The following MACROD2 variants were observed in gnomAD, a reference collection of about 807,000 sequenced individuals.
The protein encoded by MACROD2 is ADP-ribose glycohydrolase MACROD2.
Under a neutral mutation model 70.4 loss-of-function variants are expected in MACROD2, and 36 were observed. That is an observed-to-expected ratio of 0.51 (90% CI 0.39 to 0.68). The LOEUF (loss-of-function observed/expected upper bound fraction) is 0.68, where lower values mean the gene tolerates loss of function less well. MACROD2 is among the 30% of genes least tolerant of loss of function. The probability of loss-of-function intolerance (pLI) is 0.00; values close to 1 mark genes in which losing one functional copy is unlikely to be tolerated. For missense variants in MACROD2, 496 were observed against 538.4 expected (o/e 0.92, Z 0.78); for synonymous variants, 172 against 178.8 (o/e 0.96, Z 0.30).
intron 5 of MACROD2, among the ~76,000 whole-genome samples, chr20:15,208,586 C>G (rs1235457022): frequency 1.3e-5 from 2 of 152,134 alleles, no homozygotes; most frequent in Non-Finnish European, 2.9e-5. Flanking sequence ...GGGATTCTGC[C>G]TCATTACAAC....
chr20:14,676,029 TG>T (rs1165143625), intron 4 of MACROD2, among the ~76,000 whole-genome samples: 1 of 152,086 alleles, frequency 6.6e-6, no homozygotes, highest in African/African-American at 2.4e-5. Context: ...CCAATACAGG[TG>T]TGCCAAGGTT....
intron 8 of MACROD2, among the ~76,000 whole-genome samples, chr20:15,597,253 CTTTCCTTGAAGTTAGGGAATATATTG>C (rs2048758481): frequency 6.6e-6 from 1 of 152,200 alleles, no homozygotes; most frequent in African/African-American, 2.4e-5. Context: ...AAGTCAAAAA[CTTTCCTTGAAGTTAGGGAATATATTG>C]GCCTGAGGCG....
intron 5 of MACROD2, among the ~76,000 whole-genome samples, chr20:15,065,893 A>G (rs2075570682): frequency 6.6e-6 from 1 of 152,108 alleles, no homozygotes; most frequent in African/African-American, 2.4e-5. Flanking sequence ...AACAACCACA[A>G]AAAGTTTATT....
intron 6 of MACROD2, among the ~76,000 whole-genome samples, chr20:15,371,058 G>C (rs935861726): frequency 6.6e-6 from 1 of 152,020 alleles, no homozygotes; most frequent in Non-Finnish European, 1.5e-5. Flanking sequence ...AGGTTACCTG[G>C]TTCAATTGTC....
chr20:14,966,065 A>G (rs1016614158), intron 5 of MACROD2, among the ~76,000 whole-genome samples: 5 of 152,100 alleles, frequency 3.3e-5, no homozygotes, highest in African/African-American at 1.2e-4. Flanking sequence ...AGTATTTATT[A>G]CTCCTGAAGT....
Position 14,466,746 on chromosome 20 carries a change from T to C in MACROD2, c.272-26733T>C, listed in dbSNP as rs559424796. Among the ~76,000 whole-genome samples, 254 of 152,226 alleles carry C rather than the reference T, an allele frequency of 1.7e-3. 3 individuals are homozygous for C. Among genetic ancestry groups the C allele is most frequent in the African/African-American group, 6.0e-3 (251 of 41,504 alleles). On this transcript the variant is annotated intron_variant, in intron 3 of 17. Coordinates refer to ENST00000684519, the MANE Select transcript of MACROD2 (RefSeq NM_001351661.2). The stretch of plus-strand genomic sequence containing the variant: ...GTCCTTTCTGTTTGTTAGTTTTCCT[T>C]CTAACAGTCAGGACCCTCAGCTGCA...
chr20:14,668,022 C>T (rs1380954241), intron 4 of MACROD2, among the ~76,000 whole-genome samples: 1 of 152,014 alleles, frequency 6.6e-6, no homozygotes, highest in East Asian at 1.9e-4. Context: ...ATGGTGCCCT[C>T]CTATAGTCCT....
chr20:15,390,502 C>A (rs2045778428), intron 6 of MACROD2, among the ~76,000 whole-genome samples: 1 of 152,138 alleles, frequency 6.6e-6, no homozygotes, highest in African/African-American at 2.4e-5. Flanking sequence ...GAATCTAGAA[C>A]AGTGCTTGGC....
intron 3 of MACROD2, among the ~76,000 whole-genome samples, chr20:14,101,993 CTTTTTTTTT>C (rs66890047): frequency 1.0e-3 from 25 of 25,028 alleles, no homozygotes; most frequent in Non-Finnish European, 1.4e-3. Context: ...TTTAATGAGT[CTTTTTTTTT>C]TTTTTTTTTT....
chr20:15,267,521 C>A (rs1026877386), intron 6 of MACROD2, among the ~76,000 whole-genome samples: 1 of 151,358 alleles, frequency 6.6e-6, no homozygotes, highest in East Asian at 1.9e-4. Flanking sequence ...AAATAGGAGC[C>A]CAAAACCTTT....
At chr20:14,075,291 A>C (rs906228696) in intron 2 of MACROD2, among the ~76,000 whole-genome samples, 1 of 152,214 alleles carries the variant, frequency 6.6e-6, no homozygotes, top group Non-Finnish European at 1.5e-5. Flanking sequence ...TACAGCCACT[A>C]TGAATGACAA....
At chr20:14,782,866 G>C (rs1043248867) in intron 5 of MACROD2, among the ~76,000 whole-genome samples, 1 of 152,044 alleles carries the variant, frequency 6.6e-6, no homozygotes, top group Non-Finnish European at 1.5e-5. Flanking sequence ...AGGTCACTTT[G>C]TGCAAGCCAC....
intron 5 of MACROD2, among the ~76,000 whole-genome samples, chr20:14,814,478 C>G (rs796338687): frequency 1.3e-5 from 2 of 151,914 alleles, no homozygotes; most frequent in South Asian, 4.1e-4. Context: ...AGACATTCTA[C>G]TGGTCTGTGG....
intron 8 of MACROD2, among the ~76,000 whole-genome samples, chr20:15,611,836 G>A (rs143466071): frequency 4.1e-5 from 6 of 147,646 alleles, no homozygotes; most frequent in African/African-American, 1.0e-4. Flanking sequence ...ATAAGGCTCC[G>A]AGCAAATTCC....
intron 3 of MACROD2, among the ~76,000 whole-genome samples, chr20:14,475,350 G>C (rs1323236040): frequency 6.6e-6 from 1 of 151,790 alleles, no homozygotes; most frequent in Non-Finnish European, 1.5e-5. Context: ...ATTTTTAATA[G>C]TTTTTCTTTT....
At chr20:14,464,575 A>C (rs1256653236) in intron 3 of MACROD2, among the ~76,000 whole-genome samples, 1 of 151,906 alleles carries the variant, frequency 6.6e-6, no homozygotes, top group African/African-American at 2.4e-5. Context: ...GCCTTCTGCT[A>C]GCTTTTGAAT....
At chr20:14,886,776 G>T (rs1475531) in intron 5 of MACROD2, among the ~76,000 whole-genome samples, 95,530 of 151,980 alleles carry the variant, frequency 0.63, 30,606 homozygotes, top group East Asian at 0.84. Flanking sequence ...CTTTATATTG[G>T]TTGTAGTAAA....
chr20:15,143,335 T>C (rs1395969817), intron 5 of MACROD2, among the ~76,000 whole-genome samples: 1 of 152,226 alleles, frequency 6.6e-6, no homozygotes, highest in Non-Finnish European at 1.5e-5. Flanking sequence ...GTTCATATCC[T>C]TTGCCCAAGT....
chr20:14,326,500 G>C lies in MACROD2; in HGVS notation c.272-166979G>C. The stretch of plus-strand genomic sequence containing the variant: ...AGCCATCCCACGAACCTTTTCTGGG[G>C]CTTGGCACATGAGCCCACGCACGTT... On this transcript the variant is annotated intron_variant, in intron 3 of 17. Coordinates refer to ENST00000684519, the MANE Select transcript of MACROD2 (RefSeq NM_001351661.2). This position sits in a 1 kb window ranked among gnomAD's most constrained non-coding sequence, Gnocchi z 5.5. 6.2e-7 allele frequency: 1 copy of C among 1,613,852 alleles called. No individual in the cohort carries two copies.
Sources: allele counts gnomAD v4.1 joint callset (sites outside exome capture counted in the v4.1 genomes callset), GRCh38; gene constraint gnomAD v4.1.1; non-coding constraint Gnocchi (gnomAD v3.1); transcripts MANE v1.5; gene names NCBI Gene and HGNC (gene_info 2026-07-23, HGNC 2026-07-21).